The following GRM7 variants were observed in gnomAD, a reference collection of about 807,000 sequenced individuals.
The protein encoded by GRM7 is glutamate metabotropic receptor 7.
Under a neutral mutation model 84.5 loss-of-function variants are expected in GRM7, and 35 were observed. The ratio of observed to expected loss-of-function variants is 0.41; its 90% CI spans 0.32 to 0.55. GRM7 has a LOEUF of 0.55. GRM7 is among the 20% of genes least tolerant of loss of function. The pLI, the probability that GRM7 is intolerant of heterozygous loss-of-function variation, is 0.19. For synonymous variants in GRM7, 487 were observed against 455.1 expected (o/e 1.07, Z -0.89); for missense variants, 1,003 against 1,194.6 (o/e 0.84, Z 2.36).
chr3:7,360,701 G>A (rs987444869), intron 4 of GRM7, among the ~76,000 whole-genome samples: 7 of 152,096 alleles, frequency 4.6e-5, no homozygotes, highest in African/African-American at 1.7e-4. Context: ...TTATCAATCT[G>A]TAAGGTTTCC....
At position 6,861,805 on chromosome 3, in the gene GRM7, C is replaced by T; in HGVS notation, c.417C>T (p.Gly139=). ...CCTCCGACGTGCGCTGCACCAACGG[C>T]GAACCGCCGGTTTTCGTCAAGCCGG... The part of the protein sequence containing the change: ...KDTSDVRCTN[G]EPPVFVKPEK... Residue 139 remains glycine, a synonymous_variant, in exon 1 of 10, where the codon GGC becomes GGT. Transcript: ENST00000357716. This position sits in a 1 kb window ranked among gnomAD's most constrained non-coding sequence, Gnocchi z 6.4. 6.2e-7 allele frequency: 1 copy of T among 1,614,180 alleles called. No homozygotes were observed. Among genetic ancestry groups the T allele is most frequent in the Non-Finnish European group, 8.5e-7 (1 of 1,180,026 alleles).
At chr3:7,339,560 G>A (rs1185927397) in intron 4 of GRM7, among the ~76,000 whole-genome samples, 1 of 152,062 alleles carries the variant, frequency 6.6e-6, no homozygotes, top group Non-Finnish European at 1.5e-5. Context: ...TACGACCTCT[G>A]AGCTCCACCC....
intron 4 of GRM7, among the ~76,000 whole-genome samples, chr3:7,408,691 G>A (rs147749624): frequency 1.6e-3 from 250 of 152,326 alleles, no homozygotes; most frequent in African/African-American, 4.9e-3. Flanking sequence ...CTGTAACACT[G>A]CGCAAATGCT....
At chr3:7,445,522 A>T (rs1697469083) in intron 5 of GRM7, among the ~76,000 whole-genome samples, 2 of 152,180 alleles carry the variant, frequency 1.3e-5, no homozygotes, top group African/African-American at 4.8e-5. Context: ...GAACCCCAGC[A>T]TTCTTTTCAG....
chr3:7,444,974 G>A (rs560539317), intron 5 of GRM7, among the ~76,000 whole-genome samples: 62 of 152,196 alleles, frequency 4.1e-4, no homozygotes, highest in African/African-American at 1.4e-3. Context: ...TCAAATTTTG[G>A]TCATTTAAGC....
chr3:7,686,986 G>C (rs564922144), intron 9 of GRM7, among the ~76,000 whole-genome samples: 1 of 152,228 alleles, frequency 6.6e-6, no homozygotes, highest in African/African-American at 2.4e-5. Flanking sequence ...AAGTTGTCTT[G>C]GTTCCTTCTC....
At chr3:6,883,596 A>C (rs1219831534) in intron 1 of GRM7, among the ~76,000 whole-genome samples, 1 of 152,228 alleles carries the variant, frequency 6.6e-6, no homozygotes, top group Admixed American at 6.5e-5. Context: ...ATGAAAGGCC[A>C]TAAATCACAC....
At position 7,038,404 on chromosome 3, in the gene GRM7, C is replaced by T. The variant is rs532066661; in HGVS notation, c.520-108048C>T. On this transcript the variant is annotated intron_variant, in intron 1 of 9. Coordinates refer to ENST00000357716, the MANE Select transcript of GRM7 (RefSeq NM_000844.4). Reference sequence around the variant, plus strand: ...CTGCAGACTTGCTTGATTCCGCTTTCCCTTTCTCTTGGTACTGAACTCAGG... The same window carrying T: ...CTGCAGACTTGCTTGATTCCGCTTTTCCTTTCTCTTGGTACTGAACTCAGG... 5.3e-5 allele frequency among the ~76,000 whole-genome samples: 8 copies of T among 152,292 alleles called. No individual in the cohort carries two copies. In the South Asian group the frequency reaches 1.4e-3, roughly 28 times the overall value.
Position 7,153,817 on chromosome 3 carries a change from G to A in GRM7, c.736+7149G>A, listed in dbSNP as rs755678891. The stretch of plus-strand genomic sequence containing the variant: ...ATAATTCTAGTAGAAACAACAATAG[G>A]ACAAAAAAAAACCCCTCTGTTTTCA... On this transcript the variant is annotated intron_variant, in intron 2 of 9. Coordinates refer to ENST00000357716, the MANE Select transcript of GRM7 (RefSeq NM_000844.4). 1.2e-3 allele frequency among the ~76,000 whole-genome samples: 165 copies of A among 141,722 alleles called. 1 individual carries two copies. Among genetic ancestry groups the A allele is most frequent in the Non-Finnish European group, 2.1e-3 (135 of 64,984 alleles). The allele number at this position is 141,722 out of a possible 152,430, so 93.0% of individuals were successfully genotyped here. A position where few individuals can be genotyped will look rare whatever the true frequency, so the allele number is the denominator to read the frequency against.
intron 8 of GRM7, among the ~76,000 whole-genome samples, chr3:7,664,794 A>G (rs1243052142): frequency 1.3e-5 from 2 of 151,904 alleles, no homozygotes; most frequent in Non-Finnish European, 2.9e-5. Flanking sequence ...CTTACTTGAA[A>G]CTCAGATAAT....
intron 1 of GRM7, among the ~76,000 whole-genome samples, chr3:6,917,016 C>T (rs1397528966): frequency 6.6e-6 from 1 of 152,066 alleles, no homozygotes; most frequent in Non-Finnish European, 1.5e-5. Context: ...GGAGGAGGTG[C>T]AGATACTGCC....
At position 7,680,136 on chromosome 3, in the gene GRM7, A is replaced by T; in HGVS notation, c.2539A>T (p.Ile847Phe). 1 of 1,614,146 alleles carries T rather than the reference A, an allele frequency of 6.2e-7. No individual in the cohort carries two copies. Among genetic ancestry groups the T allele is most frequent in the Non-Finnish European group, 8.5e-7 (1 of 1,180,008 alleles). Residue 847 changes from isoleucine to phenylalanine, a missense_variant, in exon 9 of 10, where the codon ATC (isoleucine) becomes TTC (phenylalanine). By Grantham distance (21) the Ile-to-Phe change is conservative. Coordinates refer to ENST00000357716, the MANE Select transcript of GRM7 (RefSeq NM_000844.4). ...GATGCTATACATGCCGAAAGTGTACATCATCATTTTCCACCCTGAACTCAA... is the reference window on the plus strand; with the variant it reads ...GATGCTATACATGCCGAAAGTGTACTTCATCATTTTCCACCCTGAACTCAA... ...LGMLYMPKVY[I>F]IIFHPELNVQ...
intron 1 of GRM7, among the ~76,000 whole-genome samples, chr3:7,109,794 G>C (rs141053601): frequency 8.8e-4 from 134 of 152,134 alleles, no homozygotes; most frequent in Non-Finnish European, 1.5e-3. Flanking sequence ...CCAATTTAGA[G>C]AACAGCAATA....
At chr3:7,075,810 G>C (rs1698058156) in intron 1 of GRM7, among the ~76,000 whole-genome samples, 1 of 152,116 alleles carries the variant, frequency 6.6e-6, no homozygotes, top group Admixed American at 6.6e-5. Flanking sequence ...ACAGGCCTGA[G>C]CCACTGTGCC....
Position 7,386,779 on chromosome 3 carries a change from A to T in GRM7, c.1034-28244A>T, listed in dbSNP as rs117709221. Among the ~76,000 whole-genome samples the T allele has an allele frequency of 4.3e-4, 65 of 152,250 alleles. No individual in the cohort carries two copies. In the East Asian group the frequency reaches 0.01, roughly 24 times the overall value. ...GAACGATTTATTTTCCTTTGGGCAT[A>T]CACCCAGTAATTGGGACTATTTGGT... On this transcript the variant is annotated intron_variant, in intron 4 of 9. Transcript: ENST00000357716.
chr3:7,212,442 G>A (rs1696462554), intron 2 of GRM7, among the ~76,000 whole-genome samples: 1 of 152,032 alleles, frequency 6.6e-6, no homozygotes, highest in Non-Finnish European at 1.5e-5. Context: ...AAACAAAATA[G>A]CAAGAGTCCA....
intron 1 of GRM7, among the ~76,000 whole-genome samples, chr3:6,906,693 G>A (rs999017480): frequency 2.6e-5 from 4 of 152,148 alleles, no homozygotes; most frequent in South Asian, 4.1e-4. Flanking sequence ...TATGCATGAA[G>A]CATTTTCAAG....
At chr3:7,286,464 G>T (rs2125003921) in intron 2 of GRM7, among the ~76,000 whole-genome samples, 1 of 152,292 alleles carries the variant, frequency 6.6e-6, no homozygotes, top group Non-Finnish European at 1.5e-5. Flanking sequence ...ATGATTTGCG[G>T]ATTCAGCTAC....
chr3:7,511,815 T>C (rs542697415), intron 7 of GRM7, among the ~76,000 whole-genome samples: 10 of 152,232 alleles, frequency 6.6e-5, no homozygotes, highest in Non-Finnish European at 8.8e-5. Context: ...ATGTCCAGTC[T>C]TTTTCCTCAG....
Sources: allele counts gnomAD v4.1 joint callset (sites outside exome capture counted in the v4.1 genomes callset), GRCh38; gene constraint gnomAD v4.1.1; non-coding constraint Gnocchi (gnomAD v3.1); transcripts MANE v1.5; gene names NCBI Gene and HGNC (gene_info 2026-07-23, HGNC 2026-07-21).